The following KHDRBS3 variants were observed in gnomAD, a reference collection of about 807,000 sequenced individuals.
KHDRBS3 encodes KH domain-containing, RNA-binding, signal transduction-associated protein 3.
Under a neutral mutation model 45.6 loss-of-function variants are expected in KHDRBS3, and 23 were observed. That is an observed-to-expected ratio of 0.50 (90% CI 0.36 to 0.72). The LOEUF (loss-of-function observed/expected upper bound fraction) is 0.72, where lower values mean the gene tolerates loss of function less well. Among genes scored for constraint, KHDRBS3 ranks in the 30% least tolerant of loss-of-function variants. The pLI, the probability that KHDRBS3 is intolerant of heterozygous loss-of-function variation, is 0.00. For missense variants in KHDRBS3, 352 were observed against 424.8 expected, an observed-to-expected ratio of 0.83 and a Z score of 1.51; for synonymous variants, 162 against 156.5, an observed-to-expected ratio of 1.04 and a Z score of -0.26.
At chr8:135,603,477 A>T (rs1163104423) in intron 6 of KHDRBS3, among the ~76,000 whole-genome samples, 3 of 152,214 alleles carry the variant, frequency 2.0e-5, no homozygotes, top group African/African-American at 7.2e-5. Flanking sequence ...ATCATACTCA[A>T]ATTAGTAATC....
intron 4 of KHDRBS3, among the ~76,000 whole-genome samples, chr8:135,552,790 T>A (rs546048064): frequency 6.6e-6 from 1 of 152,252 alleles, no homozygotes; most frequent in East Asian, 1.9e-4. Flanking sequence ...CCTGGCCTGC[T>A]AGGGATGTTG....
At chr8:135,478,227 C>T (rs765358153) in intron 1 of KHDRBS3, among the ~76,000 whole-genome samples, 19 of 152,128 alleles carry the variant, frequency 1.2e-4, no homozygotes, top group Non-Finnish European at 2.1e-4. Context: ...GCCTTACATA[C>T]CCATTTTAGA....
At chr8:135,502,313 C>G (rs943349354) in intron 1 of KHDRBS3, among the ~76,000 whole-genome samples, 1 of 152,136 alleles carries the variant, frequency 6.6e-6, no homozygotes, top group Admixed American at 6.6e-5. Flanking sequence ...ACCTTCATGC[C>G]TTTGTCTCAC....
At chr8:135,513,195 G>A (rs1308281882) in intron 1 of KHDRBS3, among the ~76,000 whole-genome samples, 3 of 151,018 alleles carry the variant, frequency 2.0e-5, no homozygotes, top group East Asian at 1.9e-4. Flanking sequence ...GCAAGACTCC[G>A]TCTCAAAAAA....
At chr8:135,502,296 C>A (rs987480392) in intron 1 of KHDRBS3, among the ~76,000 whole-genome samples, 1 of 152,120 alleles carries the variant, frequency 6.6e-6, no homozygotes, top group African/African-American at 2.4e-5. Context: ...AGATACTCTC[C>A]CCTTGTACCT....
chr8:135,459,586 G>A (rs1313769555), intron 1 of KHDRBS3, among the ~76,000 whole-genome samples: 1 of 152,144 alleles, frequency 6.6e-6, no homozygotes, highest in Non-Finnish European at 1.5e-5. Flanking sequence ...CATGAGATCC[G>A]TGGCATTGGA....
At chr8:135,580,884 A>T (rs933665228) in intron 5 of KHDRBS3, among the ~76,000 whole-genome samples, 3 of 152,086 alleles carry the variant, frequency 2.0e-5, no homozygotes, top group Admixed American at 2.0e-4. Context: ...AAGTGCTGGG[A>T]TTACAGGCCT....
At chr8:135,508,840 T>C (rs1286975232) in intron 1 of KHDRBS3, among the ~76,000 whole-genome samples, 12 of 152,206 alleles carry the variant, frequency 7.9e-5, no homozygotes, top group African/African-American at 2.9e-4. Flanking sequence ...CTAGCCTCTT[T>C]TTTCCTGTTG....
intron 5 of KHDRBS3, among the ~76,000 whole-genome samples, chr8:135,576,827 A>G: frequency 6.6e-6 from 1 of 152,354 alleles, no homozygotes; most frequent in Non-Finnish European, 1.5e-5. Context: ...TAACCTATGT[A>G]TATACACATA....
chr8:135,587,032 T>C (rs151208261), intron 6 of KHDRBS3, among the ~76,000 whole-genome samples: 52 of 152,318 alleles, frequency 3.4e-4, no homozygotes, highest in African/African-American at 1.2e-3. Flanking sequence ...GTCAACGGTA[T>C]CTGTTCTAGT....
chr8:135,510,440 T>C (rs1222039490), intron 1 of KHDRBS3, among the ~76,000 whole-genome samples: 1 of 152,208 alleles, frequency 6.6e-6, no homozygotes, highest in East Asian at 1.9e-4. Context: ...GGATAGTTGA[T>C]GGTGCTTTTT....
intron 2 of KHDRBS3, among the ~76,000 whole-genome samples, chr8:135,527,970 G>T (rs1262239706): frequency 2.0e-5 from 3 of 152,162 alleles, no homozygotes; most frequent in African/African-American, 7.2e-5. Flanking sequence ...TGGGCAAAAT[G>T]TGCCTGAGGT....
chr8:135,635,371 G>C (rs892495952), intron 7 of KHDRBS3, among the ~76,000 whole-genome samples: 4 of 151,890 alleles, frequency 2.6e-5, no homozygotes, highest in African/African-American at 9.7e-5. Flanking sequence ...GCAGGTAGTA[G>C]TGTTTGTTTG....
At chr8:135,509,991 T>C (rs908032728) in intron 1 of KHDRBS3, among the ~76,000 whole-genome samples, 32 of 150,358 alleles carry the variant, frequency 2.1e-4, no homozygotes, top group Non-Finnish European at 1.5e-4. Context: ...TTTTTTTTTT[T>C]TGCTTAAAGA....
At position 135,582,000 on chromosome 8, in the gene KHDRBS3, G is replaced by A. The variant is rs201822878; in HGVS notation, c.734G>A (p.Arg245Lys). The part of the protein sequence containing the change: ...VSRGRGLLTP[R>K]ARGVPPTGYR... ...CGGGGAAGAGGACTTCTCACTCCCA[G>A]AGCAAGAGGAGTCCCCCCAACTGGG... The change falls in exon 6 of 9, where the codon AGA becomes AAA. Residue 245 changes from arginine to lysine, a missense_variant. Physicochemically the swap from Arg to Lys is conservative, Grantham distance 26. This residue lies in a region of KHDRBS3 where 212 missense variants were observed against 209.6 expected (regional missense o/e 1.01). Coordinates refer to ENST00000355849, the MANE Select transcript of KHDRBS3 (RefSeq NM_006558.3). 5.5e-5 allele frequency: 88 copies of A among 1,612,950 alleles called. No homozygotes were observed. The highest frequency in any genetic ancestry group is 7.1e-5 in the Non-Finnish European group (84 of 1,179,448).
chr8:135,623,482 G>A (rs1830232503), intron 7 of KHDRBS3, among the ~76,000 whole-genome samples: 1 of 151,974 alleles, frequency 6.6e-6, no homozygotes, highest in Non-Finnish European at 1.5e-5. Context: ...ATAAAATTAT[G>A]AAGTTGCAGA....
At chr8:135,470,173 C>T (rs1821940324) in intron 1 of KHDRBS3, among the ~76,000 whole-genome samples, 1 of 152,114 alleles carries the variant, frequency 6.6e-6, no homozygotes, top group African/African-American at 2.4e-5. Context: ...TTCTGGGTCA[C>T]AAAACAATCC....
At chr8:135,607,780 A>G (rs923974132) in intron 7 of KHDRBS3, among the ~76,000 whole-genome samples, 1 of 152,232 alleles carries the variant, frequency 6.6e-6, no homozygotes, top group African/African-American at 2.4e-5. Context: ...AATATGGACT[A>G]TGAGGTGATT....
chr8:135,528,091 G>A (rs1279708713), intron 2 of KHDRBS3, among the ~76,000 whole-genome samples: 1 of 152,094 alleles, frequency 6.6e-6, no homozygotes, highest in Non-Finnish European at 1.5e-5. Context: ...TTTGATAATT[G>A]TCCTTTTAGC....
Sources: allele counts gnomAD v4.1 joint callset (sites outside exome capture counted in the v4.1 genomes callset), GRCh38; gene constraint gnomAD v4.1.1; regional missense constraint gnomAD v4.1.1; transcripts MANE v1.5; gene names NCBI Gene and HGNC (gene_info 2026-07-23, HGNC 2026-07-21).